Variants in MYO6 observed in about 807,000 individuals in gnomAD.
MYO6 encodes the protein unconventional myosin-VI.
Under a neutral mutation model 178.7 loss-of-function variants are expected in MYO6, and 74 were observed. The ratio of observed to expected loss-of-function variants is 0.41; its 90% CI spans 0.34 to 0.50. The LOEUF (loss-of-function observed/expected upper bound fraction) is 0.50, where lower values mean the gene tolerates loss of function less well. Among genes scored for constraint, MYO6 ranks in the 20% least tolerant of loss-of-function variants. The pLI is 0.09. For synonymous variants in MYO6, 477 were observed against 504.6 expected (o/e 0.95, Z 0.73); for missense variants, 1,330 against 1,547.4 (o/e 0.86, Z 2.36).
chr6:75,883,332 A>G (rs962648866), intron 23 of MYO6, among the ~76,000 whole-genome samples: 3 of 124,342 alleles, frequency 2.4e-5, no homozygotes, highest in African/African-American at 5.3e-5. Context: ...GAGATAGTCC[A>G]TAGAGCTGGC....
intron 7 of MYO6, 30 bp from the exon 8 acceptor site, chr6:75,840,555 T>G: frequency 6.8e-7 from 1 of 1,471,194 alleles, no homozygotes; most frequent in South Asian, 1.1e-5. Context: ...TCATGCTAAT[T>G]TTTTGATGGA....
At chr6:75,866,910 T>C in intron 17 of MYO6, 22 bp from the exon 18 acceptor site, 3 of 1,611,656 alleles carry the variant, frequency 1.9e-6, no homozygotes, top group Non-Finnish European at 2.5e-6. Context: ...ACAGAAACAT[T>C]CCTGTTTGAT....
intron 1 of MYO6, among the ~76,000 whole-genome samples, chr6:75,753,062 A>C (rs1280968358): frequency 6.6e-6 from 1 of 152,168 alleles, no homozygotes; most frequent in Admixed American, 6.5e-5. Context: ...GGTCTGTGGA[A>C]TATCCCTTGA....
At chr6:75,901,050 A>G (rs1581959080) in intron 30 of MYO6, among the ~76,000 whole-genome samples, 3 of 151,898 alleles carry the variant, frequency 2.0e-5, no homozygotes, top group Non-Finnish European at 2.9e-5. Context: ...TTGTAGATAT[A>G]TGGCGTTATT....
chr6:75,857,319 C>T (rs978645250), intron 13 of MYO6, 65 bp downstream of exon 13: 3 of 1,507,172 alleles, frequency 2.0e-6, no homozygotes, highest in Non-Finnish European at 2.8e-6. Flanking sequence ...AGAATTTGTT[C>T]TTAAATCTTT....
chr6:75,752,163 T>A (rs1562105874), intron 1 of MYO6, among the ~76,000 whole-genome samples: 1 of 152,070 alleles, frequency 6.6e-6, no homozygotes, highest in Admixed American at 6.5e-5. Flanking sequence ...TGGCCAATTT[T>A]TTATTATTAT....
intron 20 of MYO6, among the ~76,000 whole-genome samples, chr6:75,877,031 A>G (rs766439074): frequency 1.9e-4 from 28 of 150,694 alleles, no homozygotes; most frequent in East Asian, 7.9e-4. Context: ...CTGGAGTGCA[A>G]TGGTGCGCTC....
chr6:75,777,982 C>T (rs950219175), intron 1 of MYO6, among the ~76,000 whole-genome samples: 1 of 151,840 alleles, frequency 6.6e-6, no homozygotes, highest in African/African-American at 2.4e-5. Flanking sequence ...CTTATAATGG[C>T]CAAGGTATAA....
intron 1 of MYO6, among the ~76,000 whole-genome samples, chr6:75,797,284 G>A (rs1768960802): frequency 6.6e-6 from 1 of 151,990 alleles, no homozygotes; most frequent in Admixed American, 6.6e-5. Flanking sequence ...GTAGAGACGG[G>A]GTTTCTTCAT....
rs769454561 is a variant in MYO6, at chr6:75,914,934, G to T, written c.3780G>T (p.Gln1260His). The stretch of plus-strand genomic sequence containing the variant: ...TCTGGGAACGCTGTGGAGGCATCCA[G>T]TACCTTCAGAATGCGATTGAGAGCA... ...EEIWERCGGI[Q>H]YLQNAIESRQ... Residue 1260 changes from glutamine to histidine, a missense_variant, in exon 35 of 35, where the codon CAG becomes CAT. Physicochemically the swap from Gln to His is conservative, Grantham distance 24. Around this residue, in one of 3 missense-constraint regions of MYO6, gnomAD observed 601 missense variants for 626.1 expected, o/e 0.96. Transcript: ENST00000369977. 1 of 1,614,126 alleles carries T rather than the reference G, an allele frequency of 6.2e-7. No individual in the cohort carries two copies. The highest frequency in any genetic ancestry group is 2.2e-5 in the East Asian group (1 of 44,874).
chr6:75,861,564 A>C (rs1157846885), intron 15 of MYO6, among the ~76,000 whole-genome samples: 2 of 152,204 alleles, frequency 1.3e-5, no homozygotes, highest in African/African-American at 4.8e-5. Flanking sequence ...ACTGCGCAGC[A>C]AGAGAATAGA....
In MYO6 at chr6:75,832,897, A is replaced by T. The variant is rs1279895383; in HGVS notation, c.447A>T (p.Val149=). 1 of 1,614,162 alleles carries T rather than the reference A, an allele frequency of 6.2e-7. No individual in the cohort carries two copies. The highest frequency in any genetic ancestry group is 1.7e-5 in the Admixed American group (1 of 60,024). ...TCAAGATGAGTCAGTCTATCATTGT[A>T]TCTGGAGAATCAGGAGCCGGCAAAA... ...KVLKMSQSII[V]SGESGAGKTE... Residue 149 remains valine, a synonymous_variant, in exon 6 of 35, where the codon GTA becomes GTT. Transcript: ENST00000369977.
intron 1 of MYO6, among the ~76,000 whole-genome samples, chr6:75,776,238 AAT>A (rs1156554499): frequency 6.6e-6 from 1 of 151,278 alleles, no homozygotes; most frequent in African/African-American, 2.5e-5. Context: ...GTGCACTGTG[AAT>A]ATATTGTCAC....
intron 5 of MYO6, among the ~76,000 whole-genome samples, chr6:75,831,767 A>T (rs1312451099): frequency 6.6e-6 from 1 of 151,844 alleles, no homozygotes; most frequent in African/African-American, 2.4e-5. Context: ...GTGCTTGCCT[A>T]TAGTCCCAGC....
intron 10 of MYO6, among the ~76,000 whole-genome samples, chr6:75,845,212 C>T (rs1774610354): frequency 6.6e-6 from 1 of 152,084 alleles, no homozygotes; most frequent in African/African-American, 2.4e-5. Flanking sequence ...GCATTGCTCT[C>T]CTCTCATTCT....
intron 20 of MYO6, among the ~76,000 whole-genome samples, chr6:75,873,609 T>A (rs1777330224): frequency 6.6e-6 from 1 of 152,144 alleles, no homozygotes; most frequent in Non-Finnish European, 1.5e-5. Context: ...GGCAAATTAT[T>A]TGAGCAATAT....
chr6:75,862,669 T>C lies in MYO6; in HGVS notation c.1620T>C (p.Asp540=), dbSNP rs1776300321. Residue 540 remains aspartate (D), a synonymous_variant, in exon 16 of 35, where the codon GAT becomes GAC. Coordinates refer to ENST00000369977, the MANE Select transcript of MYO6 (RefSeq NM_004999.4). ...DEENRLPQPS[D]QHFTSAVHQK... ...AAAATCGCCTTCCCCAGCCAAGTGA[T>C]CAACACTTTACATCTGCAGTTCACC... 3.1e-6 allele frequency: 5 copies of C among 1,614,132 alleles called. No individual in the cohort carries two copies. The highest frequency in any genetic ancestry group is 1.1e-5 in the South Asian group (1 of 91,082).
chr6:75,900,048 C>T (rs1199243254), intron 30 of MYO6, among the ~76,000 whole-genome samples: 2 of 151,828 alleles, frequency 1.3e-5, no homozygotes, highest in Non-Finnish European at 2.9e-5. Flanking sequence ...ATCCATGTCC[C>T]TGCAAAGGAC....
At chr6:75,772,784 A>G (rs966502522) in intron 1 of MYO6, among the ~76,000 whole-genome samples, 7 of 152,256 alleles carry the variant, frequency 4.6e-5, no homozygotes, top group African/African-American at 1.7e-4. Context: ...TTTCTGTAGG[A>G]TGGAGATAAT....
Sources: allele counts gnomAD v4.1 joint callset (sites outside exome capture counted in the v4.1 genomes callset), GRCh38; gene constraint gnomAD v4.1.1; regional missense constraint gnomAD v4.1.1; transcripts MANE v1.5; gene names NCBI Gene and HGNC (gene_info 2026-07-23, HGNC 2026-07-21).